The following LTBP3 variants were observed in gnomAD, a reference collection of about 807,000 sequenced individuals.
LTBP3 encodes latent-transforming growth factor beta-binding protein 3.
LTBP3 carries 97 observed loss-of-function variants against 159.7 expected under a neutral mutation model. The ratio of observed to expected loss-of-function variants is 0.61; its 90% CI spans 0.52 to 0.72. The LOEUF is 0.72. LTBP3 is among the 30% of genes least tolerant of loss of function. The pLI, the probability that LTBP3 is intolerant of heterozygous loss-of-function variation, is 0.00. For synonymous variants in LTBP3, 824 were observed against 777.1 expected, an observed-to-expected ratio of 1.06 and a Z score of -1.00; for missense variants, 1,584 against 1,864.3, an observed-to-expected ratio of 0.85 and a Z score of 2.77.
At position 65,539,705 on chromosome 11, in the gene LTBP3, C is replaced by T. The variant is rs763991235; in HGVS notation, c.3547+15G>A. The T allele has an allele frequency of 1.9e-6, 3 of 1,562,074 alleles. No homozygotes were observed. Among genetic ancestry groups the T allele is most frequent in the African/African-American group, 2.7e-5 (2 of 73,718 alleles). Reference sequence around the variant, plus strand: ...CCATCCTCGCTCCCGGCCAACTCCTCCCCGACTGCCTTACCCGCGCCGCGC... The same window carrying T: ...CCATCCTCGCTCCCGGCCAACTCCTTCCCGACTGCCTTACCCGCGCCGCGC... On this transcript the variant is annotated intron_variant, in intron 25 of 27. Transcript: ENST00000301873.
chr11:65,544,933 TC>T (rs1242997954), intron 16 of LTBP3: 3 of 152,338 alleles, frequency 2.0e-5, no homozygotes, highest in Non-Finnish European at 1.5e-5. Context: ...GTCTTGTTCT[TC>T]TTCACTTTCT....
At chr11:65,549,593 G>GTTTTTTTTTTT (rs1565097219) in intron 11 of LTBP3, among the ~76,000 whole-genome samples, 10 of 109,890 alleles carry the variant, frequency 9.1e-5, no homozygotes, top group Non-Finnish European at 1.2e-4. Context: ...TTTTTTTTTG[G>GTTTTTTTTTTT]ATTTTTAGTA....
Position 65,553,776 on chromosome 11 carries a change from G to T in LTBP3, c.789C>A (p.Pro263=). 6.4e-7 allele frequency: 1 copy of T among 1,569,574 alleles called. No homozygotes were observed. Among genetic ancestry groups the T allele is most frequent in the Non-Finnish European group, 8.6e-7 (1 of 1,165,376 alleles). ...TGGGCGGCCGGGGGTGCGAGGGCTTGGGGTGCGGCAGCAGGTGCTGGGAGG... is the reference window on the plus strand; with the variant it reads ...TGGGCGGCCGGGGGTGCGAGGGCTTTGGGTGCGGCAGCAGGTGCTGGGAGG... ...AAPSQHLLPH[P]KPSHPRPPTQ... The change falls in exon 3 of 28, where the codon CCC becomes CCA. Residue 263 remains proline, a synonymous_variant. Coordinates refer to ENST00000301873, the MANE Select transcript of LTBP3 (RefSeq NM_001130144.3). This position sits in a 1 kb window ranked among gnomAD's most constrained non-coding sequence, Gnocchi z 6.5.
chr11:65,545,300 A>G (rs1169874332), intron 16 of LTBP3: 2 of 202,036 alleles, frequency 9.9e-6, no homozygotes, highest in African/African-American at 4.6e-5. Flanking sequence ...TGCTTACCCA[A>G]CCCACCTTGG....
At chr11:65,556,340 C>G (rs554716353) in intron 1 of LTBP3, among the ~76,000 whole-genome samples, 1 of 152,150 alleles carries the variant, frequency 6.6e-6, no homozygotes, top group Non-Finnish European at 1.5e-5. Context: ...CCAGGCTGAC[C>G]AACATGGTGA....
chr11:65,540,677 G>A (rs1856076188), intron 21 of LTBP3, 63 bp from the exon 22 acceptor site: 4 of 1,531,058 alleles, frequency 2.6e-6, no homozygotes, highest in Admixed American at 1.8e-5. Flanking sequence ...CGTGGGCTGG[G>A]CGCACCACCG....
rs1856381886 is a variant in LTBP3 at position 65,546,620 on chromosome 11, C to G, written c.2231-56G>C. 4 of 1,595,682 alleles carry G rather than the reference C, an allele frequency of 2.5e-6. No individual in the cohort carries two copies. Among genetic ancestry groups the G allele is most frequent in the Middle Eastern group, 4.3e-4 (2 of 4,666 alleles). On this transcript the variant is annotated intron_variant, in intron 15 of 27. Coordinates refer to ENST00000301873, the MANE Select transcript of LTBP3 (RefSeq NM_001130144.3). The surrounding 1 kb of genome is among the most constrained non-coding windows in gnomAD (Gnocchi z 4.0). Reference sequence around the variant, plus strand: ...GCCCCACCGGAAGGCGGACCGCGCACCTCGCGGGGGTGTGGGTCTCTTCCC... The same window carrying G: ...GCCCCACCGGAAGGCGGACCGCGCAGCTCGCGGGGGTGTGGGTCTCTTCCC...
At position 65,546,195 on chromosome 11, in the gene LTBP3, C is replaced by A. The variant is rs1350137954; in HGVS notation, c.2353+247G>T. The stretch of plus-strand genomic sequence containing the variant: ...ATCGTCTGCCCTCATTCTTTGATAT[C>A]TTTTTTCCTTCAAATTTAAGTAACA... On this transcript the variant is annotated intron_variant, in intron 16 of 27. Transcript: ENST00000301873. The surrounding 1 kb of genome is among the most constrained non-coding windows in gnomAD (Gnocchi z 4.0). The A allele has an allele frequency of 3.6e-6, 2 of 553,566 alleles. No individual in the cohort carries two copies. The highest frequency in any genetic ancestry group is 2.0e-5 in the African/African-American group (1 of 49,858). 34.3% of individuals were successfully genotyped at this position (553,566 alleles called of 1,614,324 possible).
chr11:65,548,865 T>A (rs974653586), intron 11 of LTBP3: 5 of 152,120 alleles, frequency 3.3e-5, no homozygotes, highest in South Asian at 2.1e-4. Context: ...TTGTCCACAT[T>A]CCCAAAGCCC....
At chr11:65,555,711 C>T (rs547853609) in intron 1 of LTBP3, among the ~76,000 whole-genome samples, 12 of 152,324 alleles carry the variant, frequency 7.9e-5, no homozygotes, top group African/African-American at 2.6e-4. Context: ...GTCCCATACT[C>T]ACCTTCAACC....
chr11:65,553,266 G>C lies in LTBP3; in HGVS notation c.971-10C>G. 6.2e-7 allele frequency: 1 copy of C among 1,611,030 alleles called. No individual in the cohort carries two copies. Among genetic ancestry groups the C allele is most frequent in the South Asian group, 1.1e-5 (1 of 91,032 alleles). On this transcript the variant is annotated splice_polypyrimidine_tract_variant and intron_variant, in intron 4 of 27. Transcript: ENST00000301873. This position sits in a 1 kb window ranked among gnomAD's most constrained non-coding sequence, Gnocchi z 6.5. ...TTCTGCACTCCTGTGTCTGCAGAGA[G>C]AGGATAGCTTGGCAGGGGAGGGTGA...
chr11:65,543,252 C>G (rs748987595), intron 17 of LTBP3, 28 bp from the exon 18 acceptor site: 5 of 1,613,910 alleles, frequency 3.1e-6, no homozygotes, highest in Non-Finnish European at 3.4e-6. Context: ...GGTGGAGAAT[C>G]TCAGGGGCTG....
intron 21 of LTBP3, 110 bp from the exon 22 acceptor site, chr11:65,540,724 G>T: frequency 6.4e-7 from 1 of 1,562,176 alleles, no homozygotes; most frequent in Non-Finnish European, 8.7e-7. Flanking sequence ...TACAGGAGGG[G>T]CGGGGCCTAC....
Position 65,553,094 on chromosome 11 carries a change from G to C in LTBP3, c.1063+70C>G. 2.5e-6 allele frequency: 4 copies of C among 1,604,550 alleles called. No homozygotes were observed. Among genetic ancestry groups the C allele is most frequent in the Non-Finnish European group, 3.4e-6 (4 of 1,171,970 alleles). ...CCCCACCTCCTCTCTCGCCCACCTT[G>C]GGACCCTCCCCACCCCCAGTGATGG... is the stretch of plus-strand genomic sequence containing the variant. On this transcript the variant is annotated intron_variant, in intron 5 of 27. Transcript: ENST00000301873. The surrounding 1 kb of genome is among the most constrained non-coding windows in gnomAD (Gnocchi z 6.5).
In LTBP3 at chr11:65,552,146, C is replaced by T; in HGVS notation, c.1357G>A (p.Glu453Lys). The change falls in exon 8 of 28, where the codon GAG becomes AAG. Residue 453 changes from glutamate (E) to lysine (K), a missense_variant. This residue lies in a region of LTBP3 where 156 missense variants were observed against 259.7 expected (regional missense o/e 0.60). Coordinates refer to ENST00000301873, the MANE Select transcript of LTBP3 (RefSeq NM_001130144.3). This position sits in a 1 kb window ranked among gnomAD's most constrained non-coding sequence, Gnocchi z 6.0. ...TATCCCTTCCCAGCTGGGCAGATCT[C>T]CTTGAACGCAGCTGCAGTCAAGACA... Reference protein sequence around the residue: ...CPTDGTAAFKEICPAGKGYHI... With the variant: ...CPTDGTAAFKKICPAGKGYHI... 1 of 1,614,150 alleles carries T rather than the reference C, an allele frequency of 6.2e-7. No individual in the cohort carries two copies. The highest frequency in any genetic ancestry group is 1.1e-5 in the South Asian group (1 of 91,086).
rs780796970 is a variant in LTBP3, at chr11:65,540,600, T to C, written c.2992A>G (p.Met998Val). The C allele has an allele frequency of 3.1e-6, 5 of 1,611,820 alleles. No homozygotes were observed. In the East Asian group the frequency reaches 9.0e-5, roughly 29 times the overall value. ...IPAHRDIDEC[M>V]LFGSEICKEG... ...TTGCAAATCTCCGACCCGAACAACATGCACTCGTCGATGTCTGCGGGGTGA... is the reference window on the plus strand; with the variant it reads ...TTGCAAATCTCCGACCCGAACAACACGCACTCGTCGATGTCTGCGGGGTGA... Residue 998 changes from methionine (M) to valine (V), a missense_variant, in exon 22 of 28, where the codon ATG (methionine) becomes GTG (valine). This residue lies in a region of LTBP3 where 514 missense variants were observed against 530.3 expected (regional missense o/e 0.97). Coordinates refer to ENST00000301873, the MANE Select transcript of LTBP3 (RefSeq NM_001130144.3).
At chr11:65,556,864 C>T (rs1475825351) in intron 1 of LTBP3, among the ~76,000 whole-genome samples, 5 of 151,234 alleles carry the variant, frequency 3.3e-5, no homozygotes, top group Non-Finnish European at 7.4e-5. Flanking sequence ...GCCTGGCCCA[C>T]GGGGCCTAGC....
In LTBP3 at chr11:65,540,510, CGTA is replaced by C. The variant is rs1856061925; in HGVS notation, c.3079_3081del (p.Tyr1027del). On this transcript the variant is annotated inframe_deletion, in exon 22 of 28. Transcript: ENST00000301873. ...CCCACGCATTCCAGCAGGTTCCCGT[CGTA>C]GTAGAAGCCCTGCTTGCAGTAGCAC... The C allele has an allele frequency of 3.7e-6, 6 of 1,613,704 alleles. No homozygotes were observed. The highest frequency in any genetic ancestry group is 5.1e-6 in the Non-Finnish European group (6 of 1,179,906).
rs1377650713 is a variant in LTBP3 at position 65,553,442 on chromosome 11, T to C, written c.953A>G (p.Lys318Arg). 8 of 1,612,350 alleles carry C rather than the reference T, an allele frequency of 5.0e-6. No individual in the cohort carries two copies. Among genetic ancestry groups the C allele is most frequent in the South Asian group, 2.2e-5 (2 of 91,000 alleles). ...GTAWGQSKCH[K>R]CPQLQYTGVQ... ...GCACTCACACTGCAGCTGGGGACAC[T>C]TGTGGCACTTGCTCTGGCCCCAGGC... is the stretch of plus-strand genomic sequence containing the variant. Residue 318 changes from lysine to arginine, a missense_variant, in exon 4 of 28, where the codon AAG becomes AGG. Lys to Arg is a conservative substitution (Grantham distance 26). Coordinates refer to ENST00000301873, the MANE Select transcript of LTBP3 (RefSeq NM_001130144.3). This position sits in a 1 kb window ranked among gnomAD's most constrained non-coding sequence, Gnocchi z 6.5.
Sources: allele counts gnomAD v4.1 joint callset (sites outside exome capture counted in the v4.1 genomes callset), GRCh38; gene constraint gnomAD v4.1.1; regional missense constraint gnomAD v4.1.1; non-coding constraint Gnocchi (gnomAD v3.1); transcripts MANE v1.5; gene names NCBI Gene and HGNC (gene_info 2026-07-23, HGNC 2026-07-21).